LIMD1: variants seen among roughly 807,000 people sequenced by gnomAD.
LIMD1 encodes the protein LIM domain containing 1.
In LIMD1, 23 loss-of-function variants were observed where a neutral mutation model predicts 58.4. The observed-to-expected ratio is 0.39, with a 90% CI of 0.28 to 0.56. The LOEUF is 0.56. Among genes scored for constraint, LIMD1 ranks in the 20% least tolerant of loss-of-function variants. LIMD1 has a pLI of 0.57. For synonymous variants in LIMD1, 334 were observed against 345.5 expected, an observed-to-expected ratio of 0.97 and a Z score of 0.37; for missense variants, 838 against 855.5, an observed-to-expected ratio of 0.98 and a Z score of 0.25.
At chr3:45,627,706 C>CAAAAAAAAAA in intron 1 of LIMD1, among the ~76,000 whole-genome samples, 1 of 97,200 alleles carries the variant, frequency 1.0e-5, no homozygotes, top group Non-Finnish European at 2.0e-5. Flanking sequence ...CTAAAACAAC[C>CAAAAAAAAAA]AAAAAAAAAA....
At chr3:45,640,369 G>A (rs780992313) in intron 2 of LIMD1, among the ~76,000 whole-genome samples, 1 of 152,132 alleles carries the variant, frequency 6.6e-6, no homozygotes, top group African/African-American at 2.4e-5. Context: ...TTCCTTAGCA[G>A]GAAGAGACTT....
At chr3:45,654,876 C>A (rs1021629091) in intron 2 of LIMD1, among the ~76,000 whole-genome samples, 6 of 144,824 alleles carry the variant, frequency 4.1e-5, no homozygotes, top group Admixed American at 1.4e-4. Flanking sequence ...CAGGAAGTGT[C>A]TTTTTGGAGT....
At position 45,614,409 on chromosome 3, in the gene LIMD1, T is replaced by TAAA. The variant is rs776301383; in HGVS notation, c.1408+18138_1408+18140dup. On this transcript the variant is annotated intron_variant, in intron 1 of 7. Transcript: ENST00000273317. ...GGGCGTGGTGGCGGGCACCTGTAGT[T>TAAA]AAAAAAAAAAAAAAAAAAGGAAATC... 4.0e-5 allele frequency among the ~76,000 whole-genome samples: 5 copies of TAAA among 125,510 alleles called. No individual in the cohort carries two copies. The East Asian group carries it at 1.1e-3, about 28-fold the overall frequency. 82.3% of individuals were successfully genotyped at this position (125,510 alleles called of 152,430 possible). A position where few individuals can be genotyped will look rare whatever the true frequency, so the allele number is the denominator to read the frequency against.
At chr3:45,636,885 T>C (rs1234346983) in intron 2 of LIMD1, among the ~76,000 whole-genome samples, 1 of 152,220 alleles carries the variant, frequency 6.6e-6, no homozygotes, top group African/African-American at 2.4e-5. Context: ...CCGTGGAAGA[T>C]TCTAACACAT....
At chr3:45,612,280 C>T (rs374742208) in intron 1 of LIMD1, among the ~76,000 whole-genome samples, 6 of 152,014 alleles carry the variant, frequency 3.9e-5, no homozygotes, top group Non-Finnish European at 7.4e-5. Context: ...GGCAGGGTCT[C>T]GCTGTCTTGC....
Position 45,621,052 on chromosome 3 carries a change from G to A in LIMD1, c.1409-15098G>A, listed in dbSNP as rs1559516776. On this transcript the variant is annotated intron_variant, in intron 1 of 7. Coordinates refer to ENST00000273317, the MANE Select transcript of LIMD1 (RefSeq NM_014240.3). ...AGAAACATTAGGCAAACCCCAGTTC[G>A]GGACAGCATGCAAGATAATTGGCCT... 5.3e-5 allele frequency among the ~76,000 whole-genome samples: 8 copies of A among 152,172 alleles called. No homozygotes were observed. The South Asian group carries it at 1.2e-3, about 24-fold the overall frequency.
intron 2 of LIMD1, among the ~76,000 whole-genome samples, chr3:45,637,311 C>T (rs1440490084): frequency 2.7e-5 from 4 of 147,036 alleles, no homozygotes; most frequent in African/African-American, 1.0e-4. Context: ...GACGGAGTCT[C>T]GCTTTGTCAC....
At position 45,662,495 on chromosome 3, in the gene LIMD1, CCCAG is replaced by C. The variant is rs1368946322; in HGVS notation, c.1511-3154_1511-3151del. On this transcript the variant is annotated intron_variant, in intron 2 of 7. Transcript: ENST00000273317. ...GGAAATAATCCTTATTTACCTATCA[CCCAG>C]AATGCACAGACATTTTTACATTGTA... is the stretch of plus-strand genomic sequence containing the variant. Among the ~76,000 whole-genome samples, 5 of 152,192 alleles carry C rather than the reference CCCAG, an allele frequency of 3.3e-5. No individual in the cohort carries two copies. The East Asian group carries it at 9.6e-4, about 29-fold the overall frequency.
At chr3:45,676,795 G>A in intron 7 of LIMD1, 127 bp from the exon 8 acceptor site, 1 of 891,984 alleles carries the variant, frequency 1.1e-6, no homozygotes, top group Non-Finnish European at 1.8e-6. Context: ...CTGTGTTTCT[G>A]CACTGGCATT....
At chr3:45,638,631 G>T (rs904795438) in intron 2 of LIMD1, among the ~76,000 whole-genome samples, 2 of 152,096 alleles carry the variant, frequency 1.3e-5, no homozygotes, top group Non-Finnish European at 2.9e-5. Context: ...GGTATCTTTG[G>T]TAGAAGATGT....
At chr3:45,610,343 C>A (rs6441924) in intron 1 of LIMD1, among the ~76,000 whole-genome samples, 5,029 of 152,242 alleles carry the variant, frequency 0.033, 256 homozygotes, top group African/African-American at 0.11. Flanking sequence ...GGCAGGGGCA[C>A]TGGGCTGCTG....
intron 1 of LIMD1, among the ~76,000 whole-genome samples, chr3:45,604,510 C>A (rs1701448805): frequency 6.6e-6 from 1 of 152,176 alleles, no homozygotes; most frequent in Non-Finnish European, 1.5e-5. Flanking sequence ...GGGTTGAGTG[C>A]TGTGGGGAAG....
At chr3:45,671,251 C>T (rs926977341) in intron 4 of LIMD1, among the ~76,000 whole-genome samples, 1 of 152,206 alleles carries the variant, frequency 6.6e-6, no homozygotes, top group African/African-American at 2.4e-5. Context: ...AGCACAACGC[C>T]CTCCTCTTGC....
chr3:45,663,429 C>T (rs548255991), intron 2 of LIMD1, among the ~76,000 whole-genome samples: 2 of 152,264 alleles, frequency 1.3e-5, no homozygotes, highest in African/African-American at 4.8e-5. Context: ...TGAAAGGGCT[C>T]CTCTTGTCCC....
At chr3:45,667,789 A>G (rs1252286273) in intron 3 of LIMD1, among the ~76,000 whole-genome samples, 4 of 151,808 alleles carry the variant, frequency 2.6e-5, no homozygotes, top group Non-Finnish European at 4.4e-5. Flanking sequence ...CTCTGCTTCT[A>G]TTTGAGGATT....
chr3:45,594,802 C>CACACACACACACACACACACGGCACCTGG lies in LIMD1; in HGVS notation c.-58_-57insGGCACCTGGACACACACACACACACACAC, dbSNP rs1701318762. On this transcript the variant is annotated 5_prime_UTR_variant, in exon 1 of 8. Coordinates refer to ENST00000273317, the MANE Select transcript of LIMD1 (RefSeq NM_014240.3). ...CAACACACACACACACACACACACA[C>CACACACACACACACACACACGGCACCTGG]ACACACACACACACACACACACACA... 11 of 193,268 alleles carry CACACACACACACACACACACGGCACCTGG rather than the reference C, an allele frequency of 5.7e-5. No homozygotes were observed. Among genetic ancestry groups the CACACACACACACACACACACGGCACCTGG allele is most frequent in the African/African-American group, 3.0e-4 (9 of 30,194 alleles). 12.0% of individuals were successfully genotyped at this position (193,268 alleles called of 1,614,324 possible). A position where few individuals can be genotyped will look rare whatever the true frequency, so the allele number is the denominator to read the frequency against.
At chr3:45,657,813 C>T (rs573180646) in intron 2 of LIMD1, among the ~76,000 whole-genome samples, 2 of 152,230 alleles carry the variant, frequency 1.3e-5, no homozygotes, top group East Asian at 1.9e-4. Context: ...AGGAGTAATC[C>T]TTGGGTGTGA....
At chr3:45,597,178 T>A (rs1008756521) in intron 1 of LIMD1, among the ~76,000 whole-genome samples, 3 of 152,104 alleles carry the variant, frequency 2.0e-5, no homozygotes, top group African/African-American at 4.8e-5. Context: ...GGTTCTTAAG[T>A]GTAGTCCCTG....
intron 7 of LIMD1, among the ~76,000 whole-genome samples, chr3:45,675,631 T>G (rs1260904452): frequency 2.0e-5 from 3 of 150,910 alleles, no homozygotes; most frequent in Middle Eastern, 3.2e-3. Context: ...GAGCCACAAA[T>G]TAAAGTCATG....
Sources: allele counts gnomAD v4.1 joint callset (sites outside exome capture counted in the v4.1 genomes callset), GRCh38; gene constraint gnomAD v4.1.1; transcripts MANE v1.5; gene names NCBI Gene and HGNC (gene_info 2026-07-23, HGNC 2026-07-21).